The following MAP6 variants were observed in gnomAD, a reference collection of about 807,000 sequenced individuals.
MAP6 encodes microtubule associated protein 6, also known as microtubule-associated protein 6.
In MAP6, 26 loss-of-function variants were observed where a neutral mutation model predicts 42.4. The ratio of observed to expected loss-of-function variants is 0.61; its 90% CI spans 0.45 to 0.85. MAP6 has a LOEUF of 0.85. Ranked by LOEUF, MAP6 falls within the 40% of genes least tolerant of loss-of-function variation. MAP6 has a pLI of 0.00. For missense variants in MAP6, 966 were observed against 1,099.0 expected, an observed-to-expected ratio of 0.88 and a Z score of 1.71; for synonymous variants, 418 against 443.8, an observed-to-expected ratio of 0.94 and a Z score of 0.73.
chr11:75,612,442 G>T (rs1233415411), intron 1 of MAP6, among the ~76,000 whole-genome samples: 2 of 152,204 alleles, frequency 1.3e-5, no homozygotes, highest in African/African-American at 4.8e-5. Context: ...GGAAAGGAAT[G>T]CTTAACTCTG....
Position 75,607,733 on chromosome 11 carries a change from G to A in MAP6, c.1119+376C>T, listed in dbSNP as rs12577671. 4.7e-3 allele frequency: 4,480 copies of A among 944,650 alleles called. 122 individuals carry two copies. The East Asian group carries it at 0.12, about 26-fold the overall frequency. 58.5% of individuals were successfully genotyped at this position (944,650 alleles called of 1,614,324 possible). ...TCTGGTGGGAGGGGAGCCGGGCATG[G>A]GGGCCTACAATACTGGGCCAGCCCT... On this transcript the variant is annotated intron_variant, in intron 2 of 3. Transcript: ENST00000304771.
intron 3 of MAP6, chr11:75,603,514 T>A: frequency 1.0e-6 from 1 of 981,248 alleles, no homozygotes; most frequent in Non-Finnish European, 1.2e-6. Context: ...CAGAAGGGGA[T>A]ACTGACAGGT....
intron 3 of MAP6, chr11:75,605,451 G>A: frequency 9.7e-7 from 1 of 1,035,080 alleles, no homozygotes; most frequent in African/African-American, 1.7e-5. Context: ...GGGGATCTGG[G>A]AGGAGGAGAC....
intron 1 of MAP6, among the ~76,000 whole-genome samples, chr11:75,656,919 T>C (rs887096611): frequency 2.0e-5 from 3 of 152,160 alleles, no homozygotes; most frequent in Non-Finnish European, 4.4e-5. Context: ...CCTCAGAAGT[T>C]TCTCCTGTGC....
chr11:75,650,992 C>A (rs755316265), intron 1 of MAP6, among the ~76,000 whole-genome samples: 1 of 152,140 alleles, frequency 6.6e-6, no homozygotes, highest in African/African-American at 2.4e-5. Flanking sequence ...CTCCTCCTCA[C>A]CCATCAGCAC....
At chr11:75,592,785 T>C (rs1257122692) in intron 3 of MAP6, among the ~76,000 whole-genome samples, 3 of 152,162 alleles carry the variant, frequency 2.0e-5, no homozygotes, top group Non-Finnish European at 4.4e-5. Context: ...AAGAAGAAAA[T>C]GTGTTACACA....
chr11:75,604,448 G>A, intron 3 of MAP6: 6 of 985,472 alleles, frequency 6.1e-6, no homozygotes, highest in Non-Finnish European at 7.2e-6. Context: ...GCCGGGGCTT[G>A]ACACCGGACG....
At chr11:75,662,200 AG>A (rs1350250411) in intron 1 of MAP6, among the ~76,000 whole-genome samples, 1 of 152,200 alleles carries the variant, frequency 6.6e-6, no homozygotes, top group Non-Finnish European at 1.5e-5. Flanking sequence ...GGAAAAGCAA[AG>A]CTTTAGAAAA....
chr11:75,601,961 C>T (rs1468894169), intron 3 of MAP6, among the ~76,000 whole-genome samples: 1 of 151,760 alleles, frequency 6.6e-6, no homozygotes, highest in African/African-American at 2.4e-5. Context: ...TGGCCTCCTC[C>T]TTCGTGCCCC....
At chr11:75,619,318 T>C (rs1400613510) in intron 1 of MAP6, among the ~76,000 whole-genome samples, 1 of 152,230 alleles carries the variant, frequency 6.6e-6, no homozygotes, top group Admixed American at 6.5e-5. Context: ...AGAAATTGAA[T>C]TCACAATTTT....
At chr11:75,659,032 A>G (rs1349243188) in intron 1 of MAP6, among the ~76,000 whole-genome samples, 1 of 152,250 alleles carries the variant, frequency 6.6e-6, no homozygotes, top group Admixed American at 6.5e-5. Flanking sequence ...CCACTTTGTC[A>G]TCCAGGGACT....
chr11:75,607,049 G>A (rs1451710134), intron 2 of MAP6, among the ~76,000 whole-genome samples: 1 of 152,218 alleles, frequency 6.6e-6, no homozygotes, highest in Non-Finnish European at 1.5e-5. Flanking sequence ...CTTGCAGGCT[G>A]GATCATTCAC....
chr11:75,607,943 C>T (rs1942809518), intron 2 of MAP6, among the ~76,000 whole-genome samples, 166 bp downstream of exon 2: 1 of 152,146 alleles, frequency 6.6e-6, no homozygotes, highest in South Asian at 2.1e-4. Flanking sequence ...AACAAAGGTT[C>T]CTATTGAAGA....
At chr11:75,638,927 A>C (rs985943323) in intron 1 of MAP6, among the ~76,000 whole-genome samples, 2 of 152,266 alleles carry the variant, frequency 1.3e-5, no homozygotes, top group Admixed American at 6.5e-5. Flanking sequence ...TGAGCGGATA[A>C]AGAAAATATG....
intron 3 of MAP6, 56 bp downstream of exon 3, chr11:75,605,752 A>C: frequency 6.4e-7 from 1 of 1,574,640 alleles, no homozygotes; most frequent in East Asian, 2.3e-5. Flanking sequence ...TAAAAAAAAA[A>C]AGTTGGGGGG....
At chr11:75,603,138 G>C (rs1442293735) in intron 3 of MAP6, 1 of 985,422 alleles carries the variant, frequency 1.0e-6, no homozygotes, top group African/African-American at 1.7e-5. Flanking sequence ...CCGAATGGGA[G>C]CACAGACAGG....
At position 75,667,678 on chromosome 11, in the gene MAP6, G is replaced by T; in HGVS notation, c.692C>A (p.Ser231Tyr). 7.9e-7 allele frequency: 1 copy of T among 1,272,248 alleles called. No homozygotes were observed. The allele number at this position is 1,272,248 out of a possible 1,614,324, so 78.8% of individuals were successfully genotyped here. A position where few individuals can be genotyped will look rare whatever the true frequency, so the allele number is the denominator to read the frequency against. ...GAGGLAAGKA[S>Y]GADERDTRRK... Reference sequence around the variant, plus strand: ...GCGCGTGTCGCGCTCGTCCGCCCCGGACGCCTTTCCGGCCGCCAGGCCACC... The same window carrying T: ...GCGCGTGTCGCGCTCGTCCGCCCCGTACGCCTTTCCGGCCGCCAGGCCACC... Residue 231 changes from serine (S) to tyrosine (Y), a missense_variant, in exon 1 of 4, where the codon TCC becomes TAC. Ser to Tyr is a moderately radical substitution (Grantham distance 144). Around this residue, in one of 2 missense-constraint regions of MAP6, gnomAD observed 943 missense variants for 1,049.9 expected, o/e 0.90. Transcript: ENST00000304771. The surrounding 1 kb of genome is among the most constrained non-coding windows in gnomAD (Gnocchi z 5.6).
At position 75,667,902 on chromosome 11, in the gene MAP6, G is replaced by A. The variant is rs780862772; in HGVS notation, c.468C>T (p.Tyr156=). The A allele has an allele frequency of 7.0e-7, 1 of 1,430,848 alleles. No homozygotes were observed. The highest frequency in any genetic ancestry group is 2.9e-5 in the East Asian group (1 of 34,302). 88.6% of individuals were successfully genotyped at this position (1,430,848 alleles called of 1,614,324 possible). A position where few individuals can be genotyped will look rare whatever the true frequency, so the allele number is the denominator to read the frequency against. Residue 156 remains tyrosine (Y), a synonymous_variant, in exon 1 of 4, where the codon TAC becomes TAT. Transcript: ENST00000304771. This position sits in a 1 kb window ranked among gnomAD's most constrained non-coding sequence, Gnocchi z 5.6. ...SDAPFERETQ[Y]QKDFRAWPLP... ...GCGGCCAGGCGCGGAAGTCCTTCTG[G>A]TACTGGGTCTCGCGCTCGAAGGGAG...
chr11:75,652,603 C>T (rs564220367), intron 1 of MAP6, among the ~76,000 whole-genome samples: 6 of 152,100 alleles, frequency 3.9e-5, no homozygotes, highest in South Asian at 2.1e-4. Flanking sequence ...TTTAAGAGGC[C>T]GAGGTGGGTG....
Sources: allele counts gnomAD v4.1 joint callset (sites outside exome capture counted in the v4.1 genomes callset), GRCh38; gene constraint gnomAD v4.1.1; regional missense constraint gnomAD v4.1.1; non-coding constraint Gnocchi (gnomAD v3.1); transcripts MANE v1.5; gene names NCBI Gene and HGNC (gene_info 2026-07-23, HGNC 2026-07-21).